ADGRL3: variants seen among roughly 807,000 people sequenced by gnomAD.
ADGRL3 encodes the protein adhesion G protein-coupled receptor L3.
In ADGRL3, 62 loss-of-function variants were observed where a neutral mutation model predicts 153.5. The ratio of observed to expected loss-of-function variants is 0.40; its 90% CI spans 0.33 to 0.50. The LOEUF (loss-of-function observed/expected upper bound fraction) is 0.50, where lower values mean the gene tolerates loss of function less well. Among genes scored for constraint, ADGRL3 ranks in the 20% least tolerant of loss-of-function variants. The probability of loss-of-function intolerance (pLI) is 0.47; values close to 1 mark genes in which losing one functional copy is unlikely to be tolerated. For missense variants in ADGRL3, 1,641 were observed against 1,859.4 expected (o/e 0.88, Z 2.16); for synonymous variants, 710 against 672.5 (o/e 1.06, Z -0.86).
rs563929847 is a variant in ADGRL3 at position 61,406,121 on chromosome 4, T to C, written c.-174+22932T>C. On this transcript the variant is annotated intron_variant, in intron 2 of 26. Transcript: ENST00000683033. The stretch of plus-strand genomic sequence containing the variant: ...TACTGTCTGTGTATGCATTATCTTG[T>C]TTAATTTTCACTCTGTGAGAACAGA... Among the ~76,000 whole-genome samples the C allele has an allele frequency of 1.4e-4, 21 of 152,094 alleles. No homozygotes were observed. In the South Asian group the frequency reaches 4.4e-3, roughly 32 times the overall value.
intron 8 of ADGRL3, among the ~76,000 whole-genome samples, chr4:61,806,098 C>T (rs10517548): frequency 0.053 from 8,135 of 152,148 alleles, 366 homozygotes; most frequent in African/African-American, 0.12. Context: ...TGAGCTCTTA[C>T]GATGTCTAAG....
intron 8 of ADGRL3, among the ~76,000 whole-genome samples, chr4:61,760,727 A>G (rs889269590): frequency 7.9e-5 from 12 of 152,302 alleles, no homozygotes; most frequent in African/African-American, 2.6e-4. Flanking sequence ...AAATGCAGAA[A>G]TCACTCATCT....
At chr4:61,301,016 G>GGCTC in intron 1 of ADGRL3, among the ~76,000 whole-genome samples, 1 of 152,222 alleles carries the variant, frequency 6.6e-6, no homozygotes, top group Non-Finnish European at 1.5e-5. Flanking sequence ...ACCCGCCTCG[G>GGCTC]GCTCCGGAAG....
intron 5 of ADGRL3, among the ~76,000 whole-genome samples, chr4:61,634,366 T>C (rs546756665): frequency 6.6e-6 from 1 of 152,272 alleles, no homozygotes; most frequent in East Asian, 1.9e-4. Flanking sequence ...ATTCATCCAT[T>C]GCAAGCTCTG....
chr4:62,022,821 A>G lies in ADGRL3; in HGVS notation c.3396-6034A>G, dbSNP rs2099244115. Among the ~76,000 whole-genome samples the G allele has an allele frequency of 2.6e-5, 4 of 152,036 alleles. No homozygotes were observed. The South Asian group carries it at 8.3e-4, about 32-fold the overall frequency. ...AAAAAAAAAATTCTTTCAAAATATT[A>G]CTGATCCCTGACAAGGCACCTTGTC... On this transcript the variant is annotated intron_variant, in intron 21 of 26. Transcript: ENST00000683033.
intron 1 of ADGRL3, among the ~76,000 whole-genome samples, chr4:61,228,591 C>T (rs1359540777): frequency 6.6e-6 from 1 of 152,100 alleles, no homozygotes; most frequent in Non-Finnish European, 1.5e-5. Context: ...AAGAGCAAAC[C>T]ATGACAGATG....
At chr4:61,996,403 A>G (rs575047557) in intron 20 of ADGRL3, 46 bp downstream of exon 20, 33 of 1,316,710 alleles carry the variant, frequency 2.5e-5, no homozygotes, top group Non-Finnish European at 3.4e-5. Flanking sequence ...CAAGAAGTAA[A>G]ACTTTCACTA....
At chr4:61,931,289 C>T (rs1355197214) in intron 13 of ADGRL3, among the ~76,000 whole-genome samples, 4 of 152,096 alleles carry the variant, frequency 2.6e-5, no homozygotes, top group African/African-American at 9.7e-5. Flanking sequence ...AGATTTATTC[C>T]TTCCAGATTT....
At chr4:61,287,076 A>G (rs938619609) in intron 1 of ADGRL3, among the ~76,000 whole-genome samples, 4 of 151,788 alleles carry the variant, frequency 2.6e-5, no homozygotes, top group African/African-American at 9.7e-5. Flanking sequence ...TTTTCATAGT[A>G]GGGATTTTCA....
In ADGRL3 at chr4:61,517,339, C is replaced by G; in HGVS notation, c.80C>G (p.Pro27Arg). The change falls in exon 4 of 27, where the codon CCT (proline) becomes CGT (arginine). Residue 27 changes from proline (P) to arginine (R), a missense_variant. Pro to Arg is a moderately radical substitution (Grantham distance 103, BLOSUM62 -2). This residue lies in a region of ADGRL3 where 145 missense variants were observed against 79.1 expected (regional missense o/e 1.83). Transcript: ENST00000683033. ...IHGGKHSERH[P>R]ALAAPLRHAE... ...GGTGGCAAGCACAGTGAACGACATCCTGCCCTTGCTGCTCCATTGCGACAC... is the reference window on the plus strand; with the variant it reads ...GGTGGCAAGCACAGTGAACGACATCGTGCCCTTGCTGCTCCATTGCGACAC... 1.4e-6 allele frequency: 1 copy of G among 703,688 alleles called. No homozygotes were observed. The highest frequency in any genetic ancestry group is 1.7e-5 in the African/African-American group (1 of 57,408). The allele number at this position is 703,688 out of a possible 1,614,324, so 43.6% of individuals were successfully genotyped here. A position where few individuals can be genotyped will look rare whatever the true frequency, so the allele number is the denominator to read the frequency against.
In ADGRL3 at chr4:61,561,145, G is replaced by A. The variant is rs187785432; in HGVS notation, c.260-26082G>A. 1.8e-3 allele frequency among the ~76,000 whole-genome samples: 281 copies of A among 152,170 alleles called. 3 individuals are homozygous for A. The highest frequency in any genetic ancestry group is 0.017 in the South Asian group (82 of 4,824). On this transcript the variant is annotated intron_variant, in intron 4 of 26. Coordinates refer to ENST00000683033, the MANE Select transcript of ADGRL3 (RefSeq NM_001387552.1). ...AGAGAAAATTAATTCTGCCCTTCTA[G>A]ATTCAGTTCTATTAGGATGCAATGC...
In ADGRL3 at chr4:61,517,323, C is replaced by T. The variant is rs1441278509; in HGVS notation, c.64C>T (p.His22Tyr). The change falls in exon 4 of 27, where the codon CAC (histidine) becomes TAC (tyrosine). Residue 22 changes from histidine to tyrosine, a missense_variant. By Grantham distance (83) the His-to-Tyr change is moderately conservative. Transcript: ENST00000683033. ...LLAPIIHGGK[H>Y]SERHPALAAP... is the part of the protein sequence containing the mutation. ...CCCTGCGGTCCCCGCAGGTGGCAAGCACAGTGAACGACATCCTGCCCTTGC... is the reference window on the plus strand; with the variant it reads ...CCCTGCGGTCCCCGCAGGTGGCAAGTACAGTGAACGACATCCTGCCCTTGC... The T allele has an allele frequency of 1.4e-6, 1 of 702,968 alleles. No homozygotes were observed. 43.5% of individuals were successfully genotyped at this position (702,968 alleles called of 1,614,324 possible).
intron 25 of ADGRL3, among the ~76,000 whole-genome samples, chr4:62,055,031 G>C (rs79720291): frequency 0.028 from 4,226 of 151,758 alleles, 210 homozygotes; most frequent in African/African-American, 0.098. Context: ...TGTATAAACA[G>C]GTTTGACAGC....
chr4:61,302,904 T>C (rs2150369540), intron 1 of ADGRL3, among the ~76,000 whole-genome samples: 1 of 152,264 alleles, frequency 6.6e-6, no homozygotes, highest in South Asian at 2.1e-4. Flanking sequence ...ATAAATTTCA[T>C]TGCTTTGCTG....
chr4:61,533,233 G>A (rs1035474010), intron 4 of ADGRL3, among the ~76,000 whole-genome samples: 1 of 152,108 alleles, frequency 6.6e-6, no homozygotes, highest in South Asian at 2.1e-4. Context: ...TGCACCCTTG[G>A]CAGTTTCAAC....
At chr4:61,723,892 T>G (rs2096282135) in intron 6 of ADGRL3, among the ~76,000 whole-genome samples, 1 of 152,160 alleles carries the variant, frequency 6.6e-6, no homozygotes, top group Admixed American at 6.5e-5. Context: ...CTTAATAACT[T>G]CTGTAATAAT....
At chr4:61,347,267 A>T (rs2095937620) in intron 1 of ADGRL3, among the ~76,000 whole-genome samples, 2 of 150,572 alleles carry the variant, frequency 1.3e-5, no homozygotes, top group South Asian at 4.2e-4. Flanking sequence ...AGGCATAGTT[A>T]TTTTTTTTTC....
intron 1 of ADGRL3, among the ~76,000 whole-genome samples, chr4:61,234,790 T>G: frequency 6.6e-6 from 1 of 152,098 alleles, no homozygotes; most frequent in East Asian, 1.9e-4. Flanking sequence ...GATGACCGAA[T>G]GAGGGGTAGT....
chr4:61,357,767 A>G (rs1041230671), intron 1 of ADGRL3, among the ~76,000 whole-genome samples: 8 of 152,290 alleles, frequency 5.3e-5, no homozygotes, highest in Admixed American at 2.0e-4. Flanking sequence ...TCTGTTTGGA[A>G]AAAGAAAAAC....
Sources: gnomAD v4.1 joint callset for allele counts (sites outside exome capture counted in the v4.1 genomes callset) on GRCh38, gnomAD v4.1.1 for gene constraint, gnomAD v4.1.1 regional missense constraint, MANE v1.5 for transcripts, NCBI Gene and HGNC (gene_info 2026-07-23, HGNC 2026-07-21) for gene names.